The following LRP2 variants were observed in gnomAD, a reference collection of about 807,000 sequenced individuals.
LRP2 encodes the protein LDL receptor related protein 2.
LRP2 carries 172 observed loss-of-function variants against 531.0 expected under a neutral mutation model. The observed-to-expected ratio is 0.32, with a 90% CI of 0.29 to 0.37. LRP2 has a LOEUF of 0.37. LRP2 is among the 10% of genes least tolerant of loss of function. LRP2 has a pLI of 1.00. For synonymous variants in LRP2, 1,992 were observed against 2,027.6 expected, an observed-to-expected ratio of 0.98 and a Z score of 0.47; for missense variants, 5,167 against 5,868.3, an observed-to-expected ratio of 0.88 and a Z score of 3.90.
At chr2:169,266,903 T>C (rs868680818) in intron 16 of LRP2, among the ~76,000 whole-genome samples, 974 of 67,234 alleles carry the variant, frequency 0.014, 16 homozygotes, top group African/African-American at 0.039. Flanking sequence ...TTTTTTTTTT[T>C]CCGAGATAGG....
chr2:169,299,127 G>GAAAGAA (rs1559063878), intron 4 of LRP2, among the ~76,000 whole-genome samples: 4 of 84,798 alleles, frequency 4.7e-5, no homozygotes, highest in African/African-American at 1.8e-4. Flanking sequence ...AAGAAAGAAA[G>GAAAGAA]AAAGAAAGAA....
At chr2:169,278,424 C>T (rs1683614061) in intron 12 of LRP2, among the ~76,000 whole-genome samples, 1 of 151,780 alleles carries the variant, frequency 6.6e-6, no homozygotes, top group African/African-American at 2.4e-5. Flanking sequence ...TTCAAGTCTG[C>T]GGCACGCTGT....
At position 169,290,953 on chromosome 2, in the gene LRP2, A is replaced by C. The variant is rs200766167; in HGVS notation, c.814T>G (p.Ser272Ala). The C allele has an allele frequency of 1.9e-6, 3 of 1,614,090 alleles. No individual in the cohort carries two copies. The highest frequency in any genetic ancestry group is 2.5e-6 in the Non-Finnish European group (3 of 1,180,008). The change falls in exon 8 of 79, where the codon TCT becomes GCT. Residue 272 changes from serine (S) to alanine (A), a missense_variant. Ser to Ala is a moderately conservative substitution (Grantham distance 99). Transcript: ENST00000649046. ...DVHKCSPREWSCPESGRCISI... is the reference protein window; with the variant it reads ...DVHKCSPREWACPESGRCISI... ...ATGCATCGTCCCGACTCTGGGCAAG[A>C]CCATTCTCTTGGGGAACATTTATGA...
chr2:169,239,436 C>T, intron 26 of LRP2, 91 bp downstream of exon 26: 1 of 1,607,918 alleles, frequency 6.2e-7, no homozygotes, highest in Non-Finnish European at 8.5e-7. Flanking sequence ...GATCTAACTC[C>T]TAATCAACAT....
At position 169,172,152 on chromosome 2, in the gene LRP2, CAA is replaced by C; in HGVS notation, c.11144-20_11144-19del. ...CCTCTCCTCTGCAAAGCAGTCATTGCAAAGACTTCATAAACCATTGGCAGAGA... is the reference window on the plus strand; with the variant it reads ...CCTCTCCTCTGCAAAGCAGTCATTGCAGACTTCATAAACCATTGGCAGAGA... On this transcript the variant is annotated intron_variant, in intron 57 of 78. Transcript: ENST00000649046. 6.2e-7 allele frequency: 1 copy of C among 1,613,998 alleles called. No individual in the cohort carries two copies. The highest frequency in any genetic ancestry group is 2.2e-5 in the East Asian group (1 of 44,868).
chr2:169,238,374 G>T, intron 26 of LRP2, 72 bp from the exon 27 acceptor site: 2 of 1,082,976 alleles, frequency 1.8e-6, no homozygotes, highest in Non-Finnish European at 2.8e-6. Context: ...TAAAACTTTT[G>T]ATTCAATACT....
At chr2:169,199,309 G>A (rs2105322158) in intron 44 of LRP2, among the ~76,000 whole-genome samples, 1 of 152,282 alleles carries the variant, frequency 6.6e-6, no homozygotes, top group South Asian at 2.1e-4. Context: ...AGGATATATT[G>A]TTAATAGTAA....
chr2:169,207,011 G>T lies in LRP2; in HGVS notation c.6709C>A (p.Arg2237=). Residue 2237 remains arginine, a synonymous_variant, in exon 39 of 79, where the codon CGG becomes AGG. Coordinates refer to ENST00000649046, the MANE Select transcript of LRP2 (RefSeq NM_004525.3). ...VLVSEGIVTP[R]GLAVDRSDGY... is the part of the protein sequence containing the mutation. ...TCACTTCGGTCCACTGCCAAGCCCC[G>T]TGGTGTGACAATGCCCTCTGACACA... The T allele has an allele frequency of 6.2e-7, 1 of 1,614,148 alleles. No individual in the cohort carries two copies. The highest frequency in any genetic ancestry group is 1.6e-4 in the Middle Eastern group (1 of 6,062).
chr2:169,275,662 C>G (rs1460529184), intron 13 of LRP2, among the ~76,000 whole-genome samples: 2 of 152,088 alleles, frequency 1.3e-5, no homozygotes, highest in South Asian at 2.1e-4. Flanking sequence ...CCCACTGCAC[C>G]ATTGAGCATT....
chr2:169,306,486 A>G lies in LRP2; in HGVS notation c.427+795T>C, dbSNP rs145047312. The stretch of plus-strand genomic sequence containing the variant: ...GAGGTGGAGGTTGCGGTGAGCCGAG[A>G]GCATGCCATCACACTCAGCCTGGGC... On this transcript the variant is annotated intron_variant, in intron 4 of 78. Coordinates refer to ENST00000649046, the MANE Select transcript of LRP2 (RefSeq NM_004525.3). Among the ~76,000 whole-genome samples, 808 of 152,336 alleles carry G rather than the reference A, an allele frequency of 5.3e-3. 5 individuals are homozygous for G. The highest frequency in any genetic ancestry group is 0.017 in the African/African-American group (726 of 41,584).
chr2:169,162,522 A>T lies in LRP2; in HGVS notation c.11837T>A (p.Val3946Glu). 1 of 1,614,162 alleles carries T rather than the reference A, an allele frequency of 6.2e-7. No individual in the cohort carries two copies. The highest frequency in any genetic ancestry group is 8.5e-7 in the Non-Finnish European group (1 of 1,179,990). Residue 3946 changes from valine (V) to glutamate (E), a missense_variant, in exon 63 of 79, where the codon GTG becomes GAG. Coordinates refer to ENST00000649046, the MANE Select transcript of LRP2 (RefSeq NM_004525.3). ...ACCACAGTCATCGGCATCATCACAC[A>T]CATTGTCATGTGGAATGCAATGCCC... ...GNGHCIPHDN[V>E]CDDADDCGDW...
At chr2:169,281,773 T>G (rs1359143609) in intron 10 of LRP2, among the ~76,000 whole-genome samples, 1 of 151,764 alleles carries the variant, frequency 6.6e-6, no homozygotes, top group Admixed American at 6.6e-5. Flanking sequence ...AAGAAATAAC[T>G]TCATGTGCTG....
intron 50 of LRP2, among the ~76,000 whole-genome samples, chr2:169,184,817 C>T (rs1296260576): frequency 1.3e-5 from 2 of 151,998 alleles, no homozygotes; most frequent in South Asian, 2.1e-4. Flanking sequence ...GGCTGGAGTG[C>T]CATGCATGTT....
rs149224660 is a variant in LRP2, at chr2:169,140,385, C to T, written c.13199+70G>A. 5.2e-4 allele frequency: 628 copies of T among 1,209,156 alleles called. 4 individuals are homozygous for T. The African/African-American group carries it at 7.8e-3, about 15-fold the overall frequency. 74.9% of individuals were successfully genotyped at this position (1,209,156 alleles called of 1,614,324 possible). A position where few individuals can be genotyped will look rare whatever the true frequency, so the allele number is the denominator to read the frequency against. On this transcript the variant is annotated intron_variant, in intron 72 of 78. Coordinates refer to ENST00000649046, the MANE Select transcript of LRP2 (RefSeq NM_004525.3). ...GAGGTTCCTGTATTTGTTTTCCTGGCTACTTTAAGGTCTCAAATTTCCCCA... is the reference window on the plus strand; with the variant it reads ...GAGGTTCCTGTATTTGTTTTCCTGGTTACTTTAAGGTCTCAAATTTCCCCA...
rs769161223 is a variant in LRP2 at position 169,279,377 on chromosome 2, A to T, written c.1560T>A (p.Thr520=). The change falls in exon 12 of 79, where the codon ACT becomes ACA. Residue 520 remains threonine, a synonymous_variant. Coordinates refer to ENST00000649046, the MANE Select transcript of LRP2 (RefSeq NM_004525.3). ...GHPRGIAVDP[T]VGYLFFSDWE... ...TATGTTTTCACATCACTTACCCAAC[A>T]GTTGGGTCCACGGCAATTCCTCTAG... The T allele has an allele frequency of 6.2e-7, 1 of 1,609,140 alleles. No individual in the cohort carries two copies. Among genetic ancestry groups the T allele is most frequent in the Non-Finnish European group, 8.5e-7 (1 of 1,175,496 alleles).
At chr2:169,146,238 T>C (rs1238733706) in intron 69 of LRP2, among the ~76,000 whole-genome samples, 1 of 152,238 alleles carries the variant, frequency 6.6e-6, no homozygotes, top group African/African-American at 2.4e-5. Context: ...CAAGATTTTA[T>C]GTTTTCTTTT....
intron 62 of LRP2, among the ~76,000 whole-genome samples, chr2:169,163,793 G>A (rs762986398): frequency 1.1e-4 from 17 of 152,152 alleles, no homozygotes; most frequent in Non-Finnish European, 2.1e-4. Flanking sequence ...TGCCGTGCTG[G>A]CCCTAATGGT....
chr2:169,288,902 T>G, intron 9 of LRP2, 124 bp downstream of exon 9: 1 of 1,453,564 alleles, frequency 6.9e-7, no homozygotes, highest in Non-Finnish European at 9.6e-7. Flanking sequence ...GAGGTCTGGG[T>G]TGCTCTTTGT....
At chr2:169,218,365 T>A (rs965583923) in intron 34 of LRP2, among the ~76,000 whole-genome samples, 1 of 152,102 alleles carries the variant, frequency 6.6e-6, no homozygotes, top group Non-Finnish European at 1.5e-5. Context: ...TGCTTTAAGA[T>A]CCAGTCCAAA....
Sources: allele counts gnomAD v4.1 joint callset (sites outside exome capture counted in the v4.1 genomes callset), GRCh38; gene constraint gnomAD v4.1.1; transcripts MANE v1.5; gene names NCBI Gene and HGNC (gene_info 2026-07-23, HGNC 2026-07-21).